Variants in SGMS2 observed in about 807,000 individuals in gnomAD.
SGMS2 encodes the protein phosphatidylcholine:ceramide cholinephosphotransferase 2.
In SGMS2, 21 loss-of-function variants were observed where a neutral mutation model predicts 43.8. That is an observed-to-expected ratio of 0.48 (90% CI 0.34 to 0.69). The LOEUF (loss-of-function observed/expected upper bound fraction) is 0.69. SGMS2 is among the 30% of genes least tolerant of loss of function. The pLI, the probability that SGMS2 is intolerant of heterozygous loss-of-function variation, is 0.01. For missense variants in SGMS2, 384 were observed against 443.2 expected (o/e 0.87, Z 1.20); for synonymous variants, 167 against 160.6 (o/e 1.04, Z -0.30).
chr4:107,874,944 A>G (rs1423359974), intron 2 of SGMS2, among the ~76,000 whole-genome samples: 2 of 152,186 alleles, frequency 1.3e-5, no homozygotes, highest in Non-Finnish European at 2.9e-5. Flanking sequence ...TATTTGCAGA[A>G]GCCAATCTCT....
Position 107,885,230 on chromosome 4 carries a change from T to G in SGMS2, c.-244-10080T>G, listed in dbSNP as rs563690312. The stretch of plus-strand genomic sequence containing the variant: ...TACACTGCTAGTGTTTTGTTACATT[T>G]TTTTTTTTAACTAAGCATGATTTAT... On this transcript the variant is annotated intron_variant, in intron 2 of 6. Transcript: ENST00000690982. Among the ~76,000 whole-genome samples, 52 of 152,042 alleles carry G rather than the reference T, an allele frequency of 3.4e-4. 1 individual carries two copies. Among genetic ancestry groups the G allele is most frequent in the African/African-American group, 1.2e-3 (51 of 41,474 alleles).
intron 1 of SGMS2, among the ~76,000 whole-genome samples, chr4:107,835,273 G>T (rs1199938898): frequency 1.3e-5 from 2 of 152,052 alleles, no homozygotes; most frequent in African/African-American, 4.8e-5. Context: ...AGGGGGAAGA[G>T]ATTGTCTTGT....
chr4:107,877,681 G>A (rs943894428), intron 2 of SGMS2, among the ~76,000 whole-genome samples: 4 of 152,074 alleles, frequency 2.6e-5, no homozygotes, highest in Admixed American at 2.0e-4. Flanking sequence ...GATTTTTTGT[G>A]AATTAGTAAA....
chr4:107,910,313 G>T (rs1560679213), intron 6 of SGMS2, 37 bp from the exon 7 acceptor site: 1 of 1,527,980 alleles, frequency 6.5e-7, no homozygotes, highest in South Asian at 1.1e-5. Context: ...AATTGAGAAA[G>T]ATATGTCTCA....
intron 5 of SGMS2, among the ~76,000 whole-genome samples, chr4:107,906,444 G>GT: frequency 6.6e-6 from 1 of 152,248 alleles, no homozygotes; most frequent in Non-Finnish European, 1.5e-5. Context: ...GTAGAGAACA[G>GT]TTTTTTGGTT....
Position 107,885,639 on chromosome 4 carries a change from T to C in SGMS2, c.-244-9671T>C, listed in dbSNP as rs79013102. ...CTTCTACATCTCTACTTTTTAACAT[T>C]GTTCTAGCCAATTAAGCCAAGAAAA... On this transcript the variant is annotated intron_variant, in intron 2 of 6. Transcript: ENST00000690982. 1.5e-3 allele frequency among the ~76,000 whole-genome samples: 228 copies of C among 152,280 alleles called. 9 individuals carry two copies. The East Asian group carries it at 0.036, about 24-fold the overall frequency.
At chr4:107,899,235 T>G (rs1010130732) in intron 3 of SGMS2, among the ~76,000 whole-genome samples, 8 of 152,194 alleles carry the variant, frequency 5.3e-5, no homozygotes, top group East Asian at 1.9e-4. Context: ...ACAGGTTCAT[T>G]CTCTGGCAAA....
At chr4:107,906,683 G>A (rs1247790896) in intron 5 of SGMS2, among the ~76,000 whole-genome samples, 2 of 152,164 alleles carry the variant, frequency 1.3e-5, no homozygotes, top group African/African-American at 2.4e-5. Flanking sequence ...AATGAGTGGT[G>A]GGCCCAATGT....
chr4:107,869,273 C>T (rs1284325801), intron 2 of SGMS2, among the ~76,000 whole-genome samples: 1 of 152,104 alleles, frequency 6.6e-6, no homozygotes, highest in African/African-American at 2.4e-5. Context: ...GAGGATATGA[C>T]ATCTGCTGAG....
intron 2 of SGMS2, among the ~76,000 whole-genome samples, chr4:107,876,282 G>A (rs1297749424): frequency 1.3e-5 from 2 of 151,992 alleles, no homozygotes; most frequent in African/African-American, 4.8e-5. Flanking sequence ...AGCAGCACAG[G>A]GATTGAGTAA....
chr4:107,829,047 T>C (rs1035413001), intron 1 of SGMS2, among the ~76,000 whole-genome samples: 4 of 152,232 alleles, frequency 2.6e-5, no homozygotes, highest in African/African-American at 4.8e-5. Context: ...ACTTCTACAC[T>C]TTGATGAAGC....
rs1177580703 is a variant in SGMS2, at chr4:107,912,178, T to G, written c.*1625T>G. ...CAGAAGGGTCAACATCCTTTGGTGC[T>G]AAAATCTTGTGTATGTTTTCAGAAT... On this transcript the variant is annotated 3_prime_UTR_variant, in exon 7 of 7. Coordinates refer to ENST00000690982, the MANE Select transcript of SGMS2 (RefSeq NM_001375905.1). 1 of 152,192 alleles carries G rather than the reference T, an allele frequency of 6.6e-6. No individual in the cohort carries two copies. The highest frequency in any genetic ancestry group is 2.4e-5 in the African/African-American group (1 of 41,456). 9.4% of individuals were successfully genotyped at this position (152,192 alleles called of 1,614,324 possible). A position where few individuals can be genotyped will look rare whatever the true frequency, so the allele number is the denominator to read the frequency against.
chr4:107,900,013 C>G (rs1250953466), intron 4 of SGMS2, among the ~76,000 whole-genome samples: 1 of 151,986 alleles, frequency 6.6e-6, no homozygotes, highest in African/African-American at 2.4e-5. Context: ...TGTAGTAACC[C>G]AAACAATGTC....
chr4:107,839,797 T>G (rs1726397113), intron 1 of SGMS2, among the ~76,000 whole-genome samples: 1 of 152,242 alleles, frequency 6.6e-6, no homozygotes, highest in South Asian at 2.1e-4. Context: ...TAAAATTTAT[T>G]TTTAAAAGCT....
chr4:107,837,037 T>G (rs78970536), intron 1 of SGMS2, among the ~76,000 whole-genome samples: 6,179 of 152,302 alleles, frequency 0.041, 429 homozygotes, highest in African/African-American at 0.14. Flanking sequence ...TCAAATAACT[T>G]CATGACACAG....
At chr4:107,848,376 AC>A (rs1726949613) in intron 1 of SGMS2, among the ~76,000 whole-genome samples, 4 of 152,176 alleles carry the variant, frequency 2.6e-5, no homozygotes, top group Non-Finnish European at 4.4e-5. Context: ...AGTTGCTTAA[AC>A]ATTTGTGTGC....
At chr4:107,867,270 C>G (rs1435114045) in intron 2 of SGMS2, 1 of 152,164 alleles carries the variant, frequency 6.6e-6, no homozygotes, top group Admixed American at 6.5e-5. Context: ...TCCCCTATAT[C>G]TGAAATGAAC....
chr4:107,892,548 G>A (rs962615385), intron 2 of SGMS2, among the ~76,000 whole-genome samples: 4 of 152,014 alleles, frequency 2.6e-5, no homozygotes, highest in African/African-American at 9.7e-5. Flanking sequence ...ACACAGCCTC[G>A]GGAGGTCTTG....
At chr4:107,884,508 G>A (rs76185296) in intron 2 of SGMS2, among the ~76,000 whole-genome samples, 2 of 146,172 alleles carry the variant, frequency 1.4e-5, no homozygotes, top group African/African-American at 2.6e-5. Context: ...AAAGGGGGGG[G>A]AAATGTGAAA....
Sources: gnomAD v4.1 joint callset for allele counts (sites outside exome capture counted in the v4.1 genomes callset) on GRCh38, gnomAD v4.1.1 for gene constraint, MANE v1.5 for transcripts, NCBI Gene and HGNC (gene_info 2026-07-23, HGNC 2026-07-21) for gene names.